ANKRD33B: variants seen among roughly 807,000 people sequenced by gnomAD.
ANKRD33B encodes the protein ankyrin repeat domain-containing protein 33B.
Under a neutral mutation model 21.5 loss-of-function variants are expected in ANKRD33B, and 6 were observed. The observed-to-expected ratio is 0.28, with a 90% CI of 0.15 to 0.55. The LOEUF is 0.55. ANKRD33B is among the 20% of genes least tolerant of loss of function. ANKRD33B has a pLI of 0.94. For synonymous variants in ANKRD33B, 347 were observed against 342.4 expected, an observed-to-expected ratio of 1.01 and a Z score of -0.15; for missense variants, 698 against 747.2, an observed-to-expected ratio of 0.93 and a Z score of 0.77.
intron 2 of ANKRD33B, among the ~76,000 whole-genome samples, chr5:10,626,927 A>ATGT (rs763442989): frequency 9.9e-5 from 15 of 152,192 alleles, no homozygotes. Flanking sequence ...AAGCAACCAT[A>ATGT]TGTTTATATT....
intron 3 of ANKRD33B, 113 bp from the exon 4 acceptor site, chr5:10,649,153 T>C (rs1396684950): frequency 2.1e-6 from 3 of 1,433,940 alleles, no homozygotes; most frequent in Non-Finnish European, 2.7e-6. Flanking sequence ...GTTAGGAGGC[T>C]TGGGGCCAGG....
chr5:10,631,380 A>G (rs540116146), intron 2 of ANKRD33B, among the ~76,000 whole-genome samples: 2 of 152,354 alleles, frequency 1.3e-5, no homozygotes, highest in African/African-American at 4.8e-5. Flanking sequence ...GCTGTCAAGC[A>G]CAGGAGGGGA....
At chr5:10,565,920 C>A (rs553629802) in intron 1 of ANKRD33B, among the ~76,000 whole-genome samples, 69 of 152,288 alleles carry the variant, frequency 4.5e-4, no homozygotes, top group Non-Finnish European at 8.4e-4. Flanking sequence ...GACTTGGGGA[C>A]CCGGGTGACC....
At chr5:10,568,982 A>AT (rs1380356684) in intron 1 of ANKRD33B, among the ~76,000 whole-genome samples, 1 of 152,148 alleles carries the variant, frequency 6.6e-6, no homozygotes, top group African/African-American at 2.4e-5. Flanking sequence ...TTAAAACTTA[A>AT]TTTTCATAGA....
intron 1 of ANKRD33B, among the ~76,000 whole-genome samples, chr5:10,605,056 A>G (rs1456053052): frequency 6.6e-6 from 1 of 152,216 alleles, no homozygotes; most frequent in African/African-American, 2.4e-5. Flanking sequence ...TCCTCTTCCA[A>G]AGTGGCTCTC....
chr5:10,577,415 G>A (rs1344197665), intron 1 of ANKRD33B, among the ~76,000 whole-genome samples: 1 of 152,286 alleles, frequency 6.6e-6, no homozygotes, highest in South Asian at 2.1e-4. Context: ...GAGCCACCGC[G>A]CCCGGCCGCC....
intron 1 of ANKRD33B, among the ~76,000 whole-genome samples, chr5:10,598,336 G>A (rs188291991): frequency 4.6e-5 from 7 of 152,112 alleles, no homozygotes; most frequent in African/African-American, 1.4e-4. Flanking sequence ...GCACAATCTC[G>A]GCTCATGGCA....
intron 1 of ANKRD33B, among the ~76,000 whole-genome samples, chr5:10,614,025 G>GTGTGTGTGTGTGTGTA (rs1295818243): frequency 7.6e-4 from 114 of 150,552 alleles, no homozygotes; most frequent in African/African-American, 2.8e-3. Flanking sequence ...GTGTGTGTGT[G>GTGTGTGTGTGTGTGTA]TATAAACATA....
chr5:10,570,389 A>G (rs1735154017), intron 1 of ANKRD33B, among the ~76,000 whole-genome samples: 1 of 151,840 alleles, frequency 6.6e-6, no homozygotes, highest in Non-Finnish European at 1.5e-5. Context: ...AACTGGGAGG[A>G]CTCATCGCTG....
intron 2 of ANKRD33B, among the ~76,000 whole-genome samples, 167 bp downstream of exon 2, chr5:10,618,629 T>C (rs942411798): frequency 5.3e-5 from 8 of 152,188 alleles, no homozygotes; most frequent in Non-Finnish European, 1.0e-4. Flanking sequence ...ACGCTATGCA[T>C]TTACCCACTT....
chr5:10,628,227 C>G (rs1405847751), intron 2 of ANKRD33B: 2 of 152,392 alleles, frequency 1.3e-5, no homozygotes, highest in African/African-American at 4.8e-5. Flanking sequence ...GTTGCCCAGG[C>G]TGGAGTGCAA....
chr5:10,599,803 A>G (rs1450316994), intron 1 of ANKRD33B, among the ~76,000 whole-genome samples: 3 of 152,188 alleles, frequency 2.0e-5, no homozygotes, highest in African/African-American at 7.2e-5. Context: ...TGAGTGTACA[A>G]ATCTTTGTTT....
chr5:10,602,677 A>G (rs1170053997), intron 1 of ANKRD33B, among the ~76,000 whole-genome samples: 1 of 152,198 alleles, frequency 6.6e-6, no homozygotes, highest in African/African-American at 2.4e-5. Context: ...AAAGGGTTTC[A>G]AGTCTTTGAG....
chr5:10,573,285 G>A (rs1287620361), intron 1 of ANKRD33B, among the ~76,000 whole-genome samples: 2 of 151,884 alleles, frequency 1.3e-5, no homozygotes, highest in Non-Finnish European at 1.5e-5. Flanking sequence ...TGGCTAACAC[G>A]GTGAAACCCC....
In ANKRD33B at chr5:10,651,603, T is replaced by C. The variant is rs888924925; in HGVS notation, c.*1490T>C. ...TGGGTTGTAGAGTGTCTGTCACATA[T>C]GCACTTTATTTCAGTATTAATTGAA... On this transcript the variant is annotated 3_prime_UTR_variant, in exon 4 of 4. Coordinates refer to ENST00000296657, the MANE Select transcript of ANKRD33B (RefSeq NM_001164440.2). The C allele has an allele frequency of 1.3e-5, 2 of 152,320 alleles. No individual in the cohort carries two copies. The highest frequency in any genetic ancestry group is 4.8e-5 in the African/African-American group (2 of 41,440). The allele number at this position is 152,320 out of a possible 1,614,324, so 9.4% of individuals were successfully genotyped here.
intron 1 of ANKRD33B, among the ~76,000 whole-genome samples, chr5:10,607,168 C>A (rs1736063397): frequency 6.6e-6 from 1 of 152,232 alleles, no homozygotes; most frequent in Non-Finnish European, 1.5e-5. Flanking sequence ...TACACGCACA[C>A]ACACACACTC....
chr5:10,586,355 A>T (rs1461889021), intron 1 of ANKRD33B, among the ~76,000 whole-genome samples: 1 of 152,186 alleles, frequency 6.6e-6, no homozygotes, highest in African/African-American at 2.4e-5. Flanking sequence ...TTCAACTGTA[A>T]CACAGCCCTA....
intron 1 of ANKRD33B, among the ~76,000 whole-genome samples, chr5:10,575,743 G>A (rs992223820): frequency 2.7e-4 from 41 of 152,324 alleles, no homozygotes; most frequent in African/African-American, 9.6e-4. Context: ...AGTGAAAAGA[G>A]TTGGTCTCAG....
At chr5:10,565,622 ATGTT>A (rs1193072603) in intron 1 of ANKRD33B, among the ~76,000 whole-genome samples, 2 of 152,252 alleles carry the variant, frequency 1.3e-5, no homozygotes, top group African/African-American at 4.8e-5. Context: ...AGAAAACGAG[ATGTT>A]TAGAAAAGAA....
Sources: allele counts gnomAD v4.1 joint callset (sites outside exome capture counted in the v4.1 genomes callset), GRCh38; gene constraint gnomAD v4.1.1; transcripts MANE v1.5; gene names NCBI Gene and HGNC (gene_info 2026-07-23, HGNC 2026-07-21).